The following ZNF423 variants were observed in gnomAD, a reference collection of about 807,000 sequenced individuals.
The protein encoded by ZNF423 is Ebf-associated zinc finger protein.
Under a neutral mutation model 95.8 loss-of-function variants are expected in ZNF423, and 12 were observed. That is an observed-to-expected ratio of 0.13 (90% confidence interval 0.08 to 0.20). The LOEUF is 0.20. Among genes scored for constraint, ZNF423 ranks in the 10% least tolerant of loss-of-function variants. The pLI, the probability that ZNF423 is intolerant of heterozygous loss-of-function variation, is 1.00. For missense variants in ZNF423, 1,316 were observed against 1,737.1 expected (o/e 0.76, Z 4.31); for synonymous variants, 749 against 711.9 (o/e 1.05, Z -0.83).
intron 7 of ZNF423, among the ~76,000 whole-genome samples, chr16:49,516,107 G>A (rs538523926): frequency 1.5e-4 from 23 of 152,330 alleles, no homozygotes; most frequent in East Asian, 7.7e-4. Flanking sequence ...GGTCAAAGGC[G>A]CTCAGAGAAG....
chr16:49,673,024 C>T (rs2030884171), intron 3 of ZNF423, among the ~76,000 whole-genome samples: 1 of 152,108 alleles, frequency 6.6e-6, no homozygotes, highest in Non-Finnish European at 1.5e-5. Flanking sequence ...CTTGCTGGAG[C>T]CCAGGAGCCC....
chr16:49,545,716 T>G (rs1377658258), intron 5 of ZNF423, among the ~76,000 whole-genome samples: 1 of 152,208 alleles, frequency 6.6e-6, no homozygotes, highest in East Asian at 1.9e-4. Flanking sequence ...GCCACAGTTC[T>G]GTCTCCCAAG....
intron 5 of ZNF423, among the ~76,000 whole-genome samples, chr16:49,589,313 T>C (rs1000733634): frequency 2.0e-5 from 3 of 152,192 alleles, no homozygotes; most frequent in African/African-American, 7.2e-5. Context: ...ATCCATCTGC[T>C]GTCTTTAATA....
At chr16:49,550,400 T>C (rs1969592469) in intron 5 of ZNF423, among the ~76,000 whole-genome samples, 1 of 152,228 alleles carries the variant, frequency 6.6e-6, no homozygotes, top group South Asian at 2.1e-4. Flanking sequence ...GCTGCCTAAG[T>C]TGATTTCATG....
chr16:49,700,298 C>A (rs1195549052), intron 3 of ZNF423, among the ~76,000 whole-genome samples: 1 of 151,296 alleles, frequency 6.6e-6, no homozygotes, highest in African/African-American at 2.4e-5. Context: ...TTGGTCGGAA[C>A]AAAGGTCTTC....
chr16:49,719,954 C>T (rs1194466247), intron 3 of ZNF423, among the ~76,000 whole-genome samples: 1 of 152,190 alleles, frequency 6.6e-6, no homozygotes, highest in African/African-American at 2.4e-5. Flanking sequence ...GCCACTCAGG[C>T]TCAAGGCTCC....
chr16:49,700,447 G>C (rs2032140983), intron 3 of ZNF423, among the ~76,000 whole-genome samples: 1 of 152,134 alleles, frequency 6.6e-6, no homozygotes, highest in African/African-American at 2.4e-5. Flanking sequence ...CACCCATCAT[G>C]ACACCCCAGG....
At chr16:49,752,594 G>T (rs112207177) in intron 2 of ZNF423, among the ~76,000 whole-genome samples, 1 of 152,238 alleles carries the variant, frequency 6.6e-6, no homozygotes, top group Non-Finnish European at 1.5e-5. Context: ...GCTTGCTCCA[G>T]GAGGTCACAG....
At chr16:49,600,333 A>T (rs1014607901) in intron 5 of ZNF423, among the ~76,000 whole-genome samples, 2 of 151,912 alleles carry the variant, frequency 1.3e-5, no homozygotes, top group Non-Finnish European at 2.9e-5. Flanking sequence ...AAAATAATAA[A>T]TAAAAATTAA....
intron 2 of ZNF423, among the ~76,000 whole-genome samples, chr16:49,770,219 T>A (rs914950178): frequency 9.9e-5 from 15 of 151,834 alleles, no homozygotes; most frequent in African/African-American, 3.6e-4. Context: ...AATGAATGAA[T>A]GAATGGGCCC....
chr16:49,624,401 A>G (rs538810134), intron 5 of ZNF423, among the ~76,000 whole-genome samples: 71 of 152,220 alleles, frequency 4.7e-4, no homozygotes, highest in African/African-American at 1.7e-3. Context: ...AAGTACAAAA[A>G]AATTAGCCAG....
chr16:49,853,785 A>G, intron 1 of ZNF423: 1 of 985,306 alleles, frequency 1.0e-6, no homozygotes, highest in Non-Finnish European at 1.2e-6. Context: ...ACTTTGAAAC[A>G]CCCACCCATC....
intron 3 of ZNF423, among the ~76,000 whole-genome samples, chr16:49,676,606 G>C (rs2031060130): frequency 6.6e-6 from 1 of 151,996 alleles, no homozygotes; most frequent in Non-Finnish European, 1.5e-5. Flanking sequence ...CACTTCTGCA[G>C]CCACAAACAA....
intron 3 of ZNF423, among the ~76,000 whole-genome samples, chr16:49,686,952 G>C (rs547039202): frequency 1.3e-4 from 20 of 151,942 alleles, no homozygotes; most frequent in African/African-American, 3.9e-4. Flanking sequence ...CATGGAGAAG[G>C]CCTCACCTTC....
chr16:49,591,097 T>C (rs1204482674), intron 5 of ZNF423, among the ~76,000 whole-genome samples: 2 of 152,194 alleles, frequency 1.3e-5, no homozygotes, highest in Non-Finnish European at 2.9e-5. Context: ...CAAAATAATA[T>C]GGGCATTGTA....
At chr16:49,745,452 T>C (rs971797655) in intron 2 of ZNF423, among the ~76,000 whole-genome samples, 1 of 152,220 alleles carries the variant, frequency 6.6e-6, no homozygotes, top group African/African-American at 2.4e-5. Context: ...TGTGCTACTA[T>C]TGAAGGCATG....
At position 49,516,034 on chromosome 16, in the gene ZNF423, C is replaced by T. The variant is rs534520329; in HGVS notation, c.3849+7590G>A. On this transcript the variant is annotated intron_variant, in intron 7 of 7. Coordinates refer to ENST00000563137, the MANE Select transcript of ZNF423 (RefSeq NM_001379286.1). The stretch of plus-strand genomic sequence containing the variant: ...TGTCTTGCACCCCCAGTCAAATCTA[C>T]ATACCACCCTCCACGGCGCCCGGAC... Among the ~76,000 whole-genome samples, 4 of 152,342 alleles carry T rather than the reference C, an allele frequency of 2.6e-5. No homozygotes were observed. In the East Asian group the frequency reaches 5.8e-4, roughly 22 times the overall value.
chr16:49,572,026 C>T lies in ZNF423; in HGVS notation c.3602-46532G>A, dbSNP rs572425058. 1.5e-4 allele frequency among the ~76,000 whole-genome samples: 23 copies of T among 152,310 alleles called. 1 individual carries two copies. In the South Asian group the frequency reaches 3.3e-3, roughly 22 times the overall value. ...ACCGTGTGTACTAAGGGGCAAACAA[C>T]ATTCAAGGCCTTTTAACCCAACAGT... is the stretch of plus-strand genomic sequence containing the variant. On this transcript the variant is annotated intron_variant, in intron 5 of 7. Coordinates refer to ENST00000563137, the MANE Select transcript of ZNF423 (RefSeq NM_001379286.1).
intron 5 of ZNF423, among the ~76,000 whole-genome samples, chr16:49,534,659 C>T (rs1471162646): frequency 2.6e-5 from 4 of 152,214 alleles, no homozygotes; most frequent in Non-Finnish European, 5.9e-5. Flanking sequence ...TAGAACCCTG[C>T]TCCTCTTTCA....
Sources: allele counts gnomAD v4.1 joint callset (sites outside exome capture counted in the v4.1 genomes callset), GRCh38; gene constraint gnomAD v4.1.1; transcripts MANE v1.5; gene names NCBI Gene and HGNC (gene_info 2026-07-23, HGNC 2026-07-21).